Variants in CACHD1 observed in about 807,000 individuals in gnomAD.
The protein encoded by CACHD1 is cache domain containing 1.
CACHD1 carries 71 observed loss-of-function variants against 138.7 expected under a neutral mutation model. The ratio of observed to expected loss-of-function variants is 0.51; its 90% CI spans 0.42 to 0.62. The LOEUF (loss-of-function observed/expected upper bound fraction) is 0.62. Among genes scored for constraint, CACHD1 ranks in the 20% least tolerant of loss-of-function variants. CACHD1 has a pLI of 0.00. For synonymous variants in CACHD1, 578 were observed against 591.5 expected (o/e 0.98, Z 0.33); for missense variants, 1,389 against 1,625.3 (o/e 0.85, Z 2.50).
chr1:64,576,794 C>T (rs1055734713), intron 2 of CACHD1, among the ~76,000 whole-genome samples: 1 of 152,082 alleles, frequency 6.6e-6, no homozygotes, highest in Admixed American at 6.5e-5. Flanking sequence ...GTTCTCTTGC[C>T]AGGTGGCAAA....
rs1646157650 is a variant in CACHD1, at chr1:64,473,533, T to G, written c.198+2591T>G. 2.0e-5 allele frequency among the ~76,000 whole-genome samples: 3 copies of G among 151,746 alleles called. No individual in the cohort carries two copies. The South Asian group carries it at 6.2e-4, about 32-fold the overall frequency. On this transcript the variant is annotated intron_variant, in intron 1 of 26. Transcript: ENST00000651257. ...CTGTTTTTCAGAGGTAAGCCTCACA[T>G]AGGCTTTAAGGTGTGACTTCCTACG... is the stretch of plus-strand genomic sequence containing the variant.
chr1:64,472,773 G>A (rs1646153034), intron 1 of CACHD1, among the ~76,000 whole-genome samples: 3 of 152,116 alleles, frequency 2.0e-5, no homozygotes, highest in Admixed American at 2.0e-4. Flanking sequence ...TGGAGTTGTG[G>A]ACTCTGCTTG....
chr1:64,544,150 A>C (rs577737262), intron 1 of CACHD1, among the ~76,000 whole-genome samples: 120 of 152,258 alleles, frequency 7.9e-4, no homozygotes, highest in Middle Eastern at 3.4e-3. Context: ...CCATTACTGA[A>C]CTGTCAGCCA....
chr1:64,491,628 A>T (rs1051767450), intron 1 of CACHD1, among the ~76,000 whole-genome samples: 4 of 152,132 alleles, frequency 2.6e-5, no homozygotes, highest in African/African-American at 9.7e-5. Flanking sequence ...TTACAATTTG[A>T]TGTGAGACTT....
At chr1:64,660,265 A>G (rs976920514) in intron 13 of CACHD1, among the ~76,000 whole-genome samples, 1 of 152,154 alleles carries the variant, frequency 6.6e-6, no homozygotes, top group African/African-American at 2.4e-5. Flanking sequence ...TTCTTGATGA[A>G]AAAGAAGCTC....
At chr1:64,551,914 A>C (rs902685971) in intron 2 of CACHD1, among the ~76,000 whole-genome samples, 1 of 152,196 alleles carries the variant, frequency 6.6e-6, no homozygotes, top group East Asian at 1.9e-4. Context: ...TCTTATCTTC[A>C]TAATTCCTGT....
At chr1:64,595,760 G>C (rs1225182549) in intron 3 of CACHD1, among the ~76,000 whole-genome samples, 1 of 152,212 alleles carries the variant, frequency 6.6e-6, no homozygotes, top group Non-Finnish European at 1.5e-5. Context: ...GAGACACAAG[G>C]TCACAGCAGG....
At chr1:64,669,027 T>A (rs907688661) in intron 16 of CACHD1, among the ~76,000 whole-genome samples, 5 of 152,304 alleles carry the variant, frequency 3.3e-5, no homozygotes, top group Non-Finnish European at 7.3e-5. Flanking sequence ...CACCTTTGTT[T>A]CCCCACTTAG....
chr1:64,534,903 G>T (rs1646619749), intron 1 of CACHD1, among the ~76,000 whole-genome samples: 1 of 152,194 alleles, frequency 6.6e-6, no homozygotes, highest in African/African-American at 2.4e-5. Context: ...TAGAGTTGTG[G>T]GATTGCAGTT....
intron 4 of CACHD1, among the ~76,000 whole-genome samples, chr1:64,623,168 G>A (rs1402297933): frequency 2.0e-5 from 3 of 152,234 alleles, no homozygotes; most frequent in South Asian, 2.1e-4. Flanking sequence ...TTGGGAGGCC[G>A]AGGTGGGCAG....
At chr1:64,552,508 C>T (rs1408765767) in intron 2 of CACHD1, among the ~76,000 whole-genome samples, 4 of 141,812 alleles carry the variant, frequency 2.8e-5, no homozygotes, top group Admixed American at 2.2e-4. Flanking sequence ...CTTGCTCTGT[C>T]GCCCATGCTG....
At position 64,679,529 on chromosome 1, in the gene CACHD1, C is replaced by T. The variant is rs1300193157; in HGVS notation, c.3245-66C>T. The T allele has an allele frequency of 1.9e-6, 3 of 1,568,220 alleles. No homozygotes were observed. In the South Asian group the frequency reaches 3.5e-5, roughly 18 times the overall value. Reference sequence around the variant, plus strand: ...CCCACTGTATTCCCTCCCATCTCACCATCCTTACTTTCTTCCCCACTTGGG... The same window carrying T: ...CCCACTGTATTCCCTCCCATCTCACTATCCTTACTTTCTTCCCCACTTGGG... On this transcript the variant is annotated intron_variant, in intron 23 of 26. Coordinates refer to ENST00000651257, the MANE Select transcript of CACHD1 (RefSeq NM_020925.4).
intron 1 of CACHD1, among the ~76,000 whole-genome samples, chr1:64,511,153 T>C (rs968007756): frequency 1.3e-5 from 2 of 152,202 alleles, no homozygotes; most frequent in African/African-American, 4.8e-5. Flanking sequence ...ATGTAGTAGG[T>C]TTGCAAATGA....
chr1:64,569,506 AC>A (rs1401168892), intron 2 of CACHD1, among the ~76,000 whole-genome samples: 1 of 152,046 alleles, frequency 6.6e-6, no homozygotes, highest in African/African-American at 2.4e-5. Context: ...AAATGAAGGG[AC>A]TGGTACTGCT....
chr1:64,568,529 C>G (rs766715306), intron 2 of CACHD1, among the ~76,000 whole-genome samples: 1 of 152,166 alleles, frequency 6.6e-6, no homozygotes, highest in Non-Finnish European at 1.5e-5. Flanking sequence ...TGATAGCTCC[C>G]CATCTCCCCA....
At chr1:64,600,783 A>C (rs945917735) in intron 3 of CACHD1, among the ~76,000 whole-genome samples, 1 of 152,234 alleles carries the variant, frequency 6.6e-6, no homozygotes, top group Non-Finnish European at 1.5e-5. Flanking sequence ...GGAAGTCATC[A>C]CAATCAGGAT....
Position 64,681,549 on chromosome 1 carries a change from T to TTGTTTTTG in CACHD1, c.3484+215_3484+216insGTTTTTGT, listed in dbSNP as rs1557555810. Among the ~76,000 whole-genome samples the TTGTTTTTG allele has an allele frequency of 9.6e-5, 11 of 114,934 alleles. No homozygotes were observed. In the East Asian group the frequency reaches 2.4e-3, roughly 25 times the overall value. The allele number at this position is 114,934 out of a possible 152,430, so 75.4% of individuals were successfully genotyped here. ...TCAAAAGATTTTATTGTGTTTTTTT[T>TTGTTTTTG]TTTTTTTTTTTTTTTGCATTAAGTG... is the stretch of plus-strand genomic sequence containing the variant. On this transcript the variant is annotated intron_variant, in intron 25 of 26. Coordinates refer to ENST00000651257, the MANE Select transcript of CACHD1 (RefSeq NM_020925.4).
Position 64,647,892 on chromosome 1 carries a change from GCCT to G in CACHD1, c.1249_1251del (p.Pro417del). ...ACGGTGTGCCAGACCGGATGGCCTT[GCCT>G]GTGATTAAGGGCAGCATGATGGTGC... is the stretch of plus-strand genomic sequence containing the variant. On this transcript the variant is annotated inframe_deletion, in exon 9 of 27. Transcript: ENST00000651257. 1 of 1,614,120 alleles carries G rather than the reference GCCT, an allele frequency of 6.2e-7. No homozygotes were observed. The highest frequency in any genetic ancestry group is 1.1e-5 in the South Asian group (1 of 91,076).
rs575428264 is a variant in CACHD1 at position 64,682,020 on chromosome 1, T to A, written c.3500T>A (p.Phe1167Tyr). ...CTTCCTACAGTCAGCAACACTCGGT[T>A]TATAGCTGCGGTCATCGAACGACAT... ...EDRGIISNTR[F>Y]IAAVIERHAH... Residue 1167 changes from phenylalanine to tyrosine, a missense_variant, in exon 26 of 27, where the codon TTT (phenylalanine) becomes TAT (tyrosine). This residue lies in a region of CACHD1 where 250 missense variants were observed against 292.9 expected (regional missense o/e 0.85). Coordinates refer to ENST00000651257, the MANE Select transcript of CACHD1 (RefSeq NM_020925.4). 161 of 1,614,078 alleles carry A rather than the reference T, an allele frequency of 1.0e-4. 2 individuals are homozygous for A. In the South Asian group the frequency reaches 1.7e-3, roughly 17 times the overall value.
Sources: allele counts gnomAD v4.1 joint callset (sites outside exome capture counted in the v4.1 genomes callset), GRCh38; gene constraint gnomAD v4.1.1; regional missense constraint gnomAD v4.1.1; transcripts MANE v1.5; gene names NCBI Gene and HGNC (gene_info 2026-07-23, HGNC 2026-07-21).